Variants in DNAH9 observed in about 807,000 individuals in gnomAD.
DNAH9 encodes the protein dynein axonemal heavy chain 9.
Under a neutral mutation model 471.6 loss-of-function variants are expected in DNAH9, and 345 were observed. That is an observed-to-expected ratio of 0.73 (90% confidence interval 0.67 to 0.80). The LOEUF is 0.80. Among genes scored for constraint, DNAH9 ranks in the 30% least tolerant of loss-of-function variants. The pLI, the probability that DNAH9 is intolerant of heterozygous loss-of-function variation, is 0.00. For missense variants in DNAH9, 5,407 were observed against 5,609.2 expected, an observed-to-expected ratio of 0.96 and a Z score of 1.15; for synonymous variants, 2,093 against 2,123.6, an observed-to-expected ratio of 0.99 and a Z score of 0.40.
At chr17:11,715,731 G>A (rs2074948396) in intron 26 of DNAH9, among the ~76,000 whole-genome samples, 1 of 152,174 alleles carries the variant, frequency 6.6e-6, no homozygotes, top group African/African-American at 2.4e-5. Context: ...CAAAGAAAAT[G>A]CAATGTCATG....
At position 11,680,785 on chromosome 17, in the gene DNAH9, C is replaced by T. The variant is rs1009328245; in HGVS notation, c.3639C>T (p.Ala1213=). 4 of 1,613,782 alleles carry T rather than the reference C, an allele frequency of 2.5e-6. No homozygotes were observed. Among genetic ancestry groups the T allele is most frequent in the East Asian group, 4.5e-5 (2 of 44,886 alleles). The stretch of plus-strand genomic sequence containing the variant: ...CCATTACTGTGAAGCAGCAGGTGGC[C>T]CCACTGCAGGCAAATGAAGTGACAC... The part of the protein sequence containing the change: ...KVAITVKQQV[A]PLQANEVTLL... Residue 1213 remains alanine (A), a synonymous_variant, in exon 19 of 69, where the codon GCC becomes GCT. Transcript: ENST00000262442.
chr17:11,633,540 G>A (rs370472836), intron 8 of DNAH9, among the ~76,000 whole-genome samples: 19 of 152,158 alleles, frequency 1.2e-4, no homozygotes, highest in African/African-American at 4.6e-4. Flanking sequence ...ACCCAAATGC[G>A]GCAGGCTCCA....
Position 11,764,923 on chromosome 17 carries a change from A to G in DNAH9, c.7170+1309A>G, listed in dbSNP as rs116657379. Among the ~76,000 whole-genome samples the G allele has an allele frequency of 8.4e-3, 1,273 of 152,340 alleles. 25 individuals are homozygous for G. The highest frequency in any genetic ancestry group is 0.029 in the African/African-American group (1,192 of 41,590). On this transcript the variant is annotated intron_variant, in intron 36 of 68. Transcript: ENST00000262442. ...GCATTAAATATGTGCAGCTTTTTGT[A>G]TATCAGTCATACCACAATAAAGTGA... is the stretch of plus-strand genomic sequence containing the variant.
At chr17:11,613,142 C>A (rs955427208) in intron 4 of DNAH9, among the ~76,000 whole-genome samples, 2 of 152,166 alleles carry the variant, frequency 1.3e-5, no homozygotes, top group Non-Finnish European at 2.9e-5. Context: ...TCTCCCAGCA[C>A]GTTTGGCTGG....
chr17:11,646,630 A>G (rs1428941935), intron 11 of DNAH9, among the ~76,000 whole-genome samples: 1 of 152,146 alleles, frequency 6.6e-6, no homozygotes, highest in Non-Finnish European at 1.5e-5. Context: ...ATCTGTGGCT[A>G]TGGCCGGGTG....
chr17:11,739,653 G>A (rs545349890), intron 29 of DNAH9, among the ~76,000 whole-genome samples: 2 of 152,236 alleles, frequency 1.3e-5, no homozygotes, highest in East Asian at 1.9e-4. Flanking sequence ...TCGTAGCGAC[G>A]CATGAGAGCA....
intron 6 of DNAH9, among the ~76,000 whole-genome samples, chr17:11,627,169 A>G (rs527842169): frequency 4.2e-4 from 61 of 145,750 alleles, no homozygotes; most frequent in East Asian, 5.9e-4. Flanking sequence ...GTTGTCCACC[A>G]TGTGTGTGTT....
intron 52 of DNAH9, among the ~76,000 whole-genome samples, chr17:11,873,725 G>A (rs1972366116): frequency 6.7e-6 from 1 of 149,932 alleles, no homozygotes; most frequent in African/African-American, 2.5e-5. Context: ...CATATTCATA[G>A]TTTCCACGAG....
intron 17 of DNAH9, among the ~76,000 whole-genome samples, chr17:11,677,209 TAATC>T (rs572621193): frequency 8.4e-4 from 128 of 152,278 alleles, no homozygotes; most frequent in African/African-American, 2.9e-3. Flanking sequence ...TTAATCTACT[TAATC>T]TATCATCACT....
intron 17 of DNAH9, 105 bp from the exon 18 acceptor site, chr17:11,679,652 G>T: frequency 2.5e-6 from 2 of 815,648 alleles, no homozygotes; most frequent in Non-Finnish European, 2.1e-6. Flanking sequence ...TGGGCATGTG[G>T]TAGGATTTTC....
At chr17:11,763,648 G>A in intron 36 of DNAH9, 34 bp downstream of exon 36, 10 of 1,597,532 alleles carry the variant, frequency 6.3e-6, no homozygotes, top group Non-Finnish European at 8.5e-6. Flanking sequence ...CAACCACACT[G>A]AAGTCTGTAG....
At chr17:11,829,239 C>CCT (rs1318758305) in intron 48 of DNAH9, among the ~76,000 whole-genome samples, 2 of 152,094 alleles carry the variant, frequency 1.3e-5, no homozygotes, top group South Asian at 4.1e-4. Context: ...TGGTATAAGG[C>CCT]TAAGGACTTG....
chr17:11,831,455 T>G (rs1319952692), intron 48 of DNAH9, among the ~76,000 whole-genome samples: 1 of 152,074 alleles, frequency 6.6e-6, no homozygotes, highest in Admixed American at 6.5e-5. Flanking sequence ...CTCTTCATGA[T>G]GGACCCGCCC....
At chr17:11,717,644 G>T (rs1468193673) in intron 26 of DNAH9, among the ~76,000 whole-genome samples, 1 of 152,110 alleles carries the variant, frequency 6.6e-6, no homozygotes, top group Non-Finnish European at 1.5e-5. Context: ...AGGTATTGAG[G>T]CATAAATTAC....
At position 11,690,307 on chromosome 17, in the gene DNAH9, G is replaced by A. The variant is rs1227155478; in HGVS notation, c.4485G>A (p.Val1495=). 1 of 1,614,196 alleles carries A rather than the reference G, an allele frequency of 6.2e-7. No individual in the cohort carries two copies. Among genetic ancestry groups the A allele is most frequent in the South Asian group, 1.1e-5 (1 of 91,082 alleles). Residue 1495 remains valine (V), a synonymous_variant, in exon 20 of 69, where the codon GTG becomes GTA. Transcript: ENST00000262442. ...SKYVAFFLEE[V]SGWQKKLSTV... ...ATGTTGCTTTCTTCTTGGAGGAGGT[G>A]TCGGGCTGGCAGAAGAAGCTGTCCA...
intron 67 of DNAH9, among the ~76,000 whole-genome samples, chr17:11,958,743 A>G (rs1234744533): frequency 6.6e-6 from 1 of 152,076 alleles, no homozygotes; most frequent in Non-Finnish European, 1.5e-5. Flanking sequence ...AAAAAAAAAA[A>G]ATAAAGTATA....
At chr17:11,798,369 G>A (rs1196122429) in intron 43 of DNAH9, among the ~76,000 whole-genome samples, 3 of 147,118 alleles carry the variant, frequency 2.0e-5, no homozygotes, top group Non-Finnish European at 4.5e-5. Context: ...GGAGGCCCAG[G>A]TTGCAGTGGG....
At chr17:11,887,087 G>C in intron 57 of DNAH9, 122 bp downstream of exon 57, 1 of 1,296,996 alleles carries the variant, frequency 7.7e-7, no homozygotes, top group Non-Finnish European at 1.0e-6. Flanking sequence ...TAAGATCAAA[G>C]CCAGGAGAGG....
At chr17:11,743,437 GTTC>G (rs1304427412) in intron 30 of DNAH9, among the ~76,000 whole-genome samples, 6 of 152,052 alleles carry the variant, frequency 3.9e-5, no homozygotes, top group Non-Finnish European at 7.4e-5. Context: ...CCTCAGATCT[GTTC>G]TTTAGCCACT....
Sources: gnomAD v4.1 joint callset for allele counts (sites outside exome capture counted in the v4.1 genomes callset) on GRCh38, gnomAD v4.1.1 for gene constraint, MANE v1.5 for transcripts, NCBI Gene and HGNC (gene_info 2026-07-23, HGNC 2026-07-21) for gene names.